The following DLG2 variants were observed in gnomAD, a reference collection of about 807,000 sequenced individuals.
DLG2 encodes disks large homolog 2.
DLG2 carries 45 observed loss-of-function variants against 132.5 expected under a neutral mutation model. The ratio of observed to expected loss-of-function variants is 0.34; its 90% CI spans 0.27 to 0.44. The LOEUF is 0.44. DLG2 is among the 20% of genes least tolerant of loss of function. DLG2 has a pLI of 1.00. For synonymous variants in DLG2, 424 were observed against 419.6 expected, an observed-to-expected ratio of 1.01 and a Z score of -0.13; for missense variants, 1,045 against 1,196.9, an observed-to-expected ratio of 0.87 and a Z score of 1.87.
At chr11:83,467,752 A>G (rs1216489560) in intron 25 of DLG2, among the ~76,000 whole-genome samples, 1 of 128,710 alleles carries the variant, frequency 7.8e-6, no homozygotes, top group African/African-American at 2.9e-5. Context: ...TGCCATCTCA[A>G]AAAAAATAAA....
chr11:85,429,378 A>T (rs551490378), intron 3 of DLG2, among the ~76,000 whole-genome samples: 1 of 152,212 alleles, frequency 6.6e-6, no homozygotes, highest in Non-Finnish European at 1.5e-5. Flanking sequence ...ATTAAACTAA[A>T]GAGCTTCTGC....
At chr11:84,405,100 A>T (rs1364018521) in intron 7 of DLG2, among the ~76,000 whole-genome samples, 1 of 152,228 alleles carries the variant, frequency 6.6e-6, no homozygotes, top group African/African-American at 2.4e-5. Flanking sequence ...ATAAATAGGG[A>T]CAGGCAAAGG....
intron 6 of DLG2, among the ~76,000 whole-genome samples, chr11:84,872,183 G>A (rs1163276471): frequency 1.3e-5 from 2 of 152,076 alleles, no homozygotes; most frequent in Non-Finnish European, 2.9e-5. Context: ...CATTAGTAAG[G>A]GCATGTGTTC....
intron 18 of DLG2, among the ~76,000 whole-genome samples, chr11:83,707,874 G>T (rs1592827582): frequency 6.6e-6 from 1 of 152,138 alleles, no homozygotes; most frequent in Admixed American, 6.5e-5. Context: ...TTTCCAGAAG[G>T]CAGAATGCAT....
At position 84,888,787 on chromosome 11, in the gene DLG2, G is replaced by A. The variant is rs533815004; in HGVS notation, c.357+222874C>T. ...ATTCTTTCCAGAGATGTCAACCCAT[G>A]TTGGCTGGTTCTGCTATCATCTAAA... On this transcript the variant is annotated intron_variant, in intron 6 of 27. Coordinates refer to ENST00000376104, the MANE Select transcript of DLG2 (RefSeq NM_001142699.3). Among the ~76,000 whole-genome samples the A allele has an allele frequency of 2.6e-5, 4 of 152,146 alleles. No homozygotes were observed. In the East Asian group the frequency reaches 7.8e-4, roughly 29 times the overall value.
rs148532654 is a variant in DLG2, at chr11:85,589,173, G to A, written c.40+9484C>T. Among the ~76,000 whole-genome samples, 904 of 152,312 alleles carry A rather than the reference G, an allele frequency of 5.9e-3. 9 individuals are homozygous for A. Among genetic ancestry groups the A allele is most frequent in the African/African-American group, 0.02 (814 of 41,574 alleles). ...GTTATGCTAGCAGTGACACTGTCAC[G>A]TGGACAGATTTAGGACCACTGGTTA... On this transcript the variant is annotated intron_variant, in intron 3 of 27. Coordinates refer to ENST00000376104, the MANE Select transcript of DLG2 (RefSeq NM_001142699.3).
At chr11:84,655,015 T>G (rs546504109) in intron 6 of DLG2, among the ~76,000 whole-genome samples, 1 of 152,342 alleles carries the variant, frequency 6.6e-6, no homozygotes, top group South Asian at 2.1e-4. Context: ...TCTAAATGTT[T>G]TATAGCATTT....
intron 6 of DLG2, among the ~76,000 whole-genome samples, chr11:84,770,304 C>A (rs1319559875): frequency 6.6e-6 from 1 of 152,054 alleles, no homozygotes; most frequent in African/African-American, 2.4e-5. Flanking sequence ...ATTAAAAATC[C>A]TTCTTTTAAA....
chr11:85,224,498 C>G (rs1000205523), intron 4 of DLG2, among the ~76,000 whole-genome samples: 1 of 152,134 alleles, frequency 6.6e-6, no homozygotes, highest in African/African-American at 2.4e-5. Context: ...AGATAAAACA[C>G]TGTTACTGTC....
intron 3 of DLG2, among the ~76,000 whole-genome samples, chr11:85,470,384 G>A (rs914635882): frequency 1.3e-5 from 2 of 152,208 alleles, no homozygotes; most frequent in East Asian, 3.9e-4. Flanking sequence ...GTTGGGGTAG[G>A]GGTGAGAAGG....
intron 2 of DLG2, 28 bp downstream of exon 2, chr11:85,626,559 A>G (rs779779634): frequency 5.9e-5 from 9 of 152,190 alleles, no homozygotes; most frequent in Non-Finnish European, 1.3e-4. Flanking sequence ...ACCAGAACCA[A>G]CAAAAGGGAG....
At chr11:85,015,261 GGTTAA>G (rs2059478162) in intron 6 of DLG2, among the ~76,000 whole-genome samples, 1 of 151,876 alleles carries the variant, frequency 6.6e-6, no homozygotes, top group Admixed American at 6.6e-5. Flanking sequence ...CTATGTTTTA[GGTTAA>G]GTTTATACTT....
chr11:83,890,294 T>A (rs929821717), intron 15 of DLG2, among the ~76,000 whole-genome samples: 2 of 152,156 alleles, frequency 1.3e-5, no homozygotes, highest in African/African-American at 4.8e-5. Flanking sequence ...CACACTCTGA[T>A]TTTTATTCTT....
chr11:84,197,036 C>CAAAAAAAA (rs60877284), intron 8 of DLG2, among the ~76,000 whole-genome samples: 92 of 87,866 alleles, frequency 1.0e-3, no homozygotes, highest in East Asian at 1.4e-3. Context: ...GACTCTTTCT[C>CAAAAAAAA]AAAAAAAAAA....
intron 2 of DLG2, among the ~76,000 whole-genome samples, chr11:85,612,848 T>C (rs771715249): frequency 1.6e-4 from 24 of 152,142 alleles, no homozygotes; most frequent in Non-Finnish European, 2.8e-4. Flanking sequence ...CTCACAGGAA[T>C]TCTCAGACAG....
At chr11:83,788,838 T>C (rs916967057) in intron 17 of DLG2, among the ~76,000 whole-genome samples, 6 of 152,260 alleles carry the variant, frequency 3.9e-5, no homozygotes, top group Non-Finnish European at 5.9e-5. Context: ...ACCACTTTTA[T>C]GGATACTTTT....
At chr11:85,019,920 G>A (rs186411739) in intron 6 of DLG2, among the ~76,000 whole-genome samples, 1 of 152,140 alleles carries the variant, frequency 6.6e-6, no homozygotes, top group East Asian at 1.9e-4. Context: ...TAGTGCCGCA[G>A]TAAACATACG....
At chr11:84,210,113 T>A (rs1437111594) in intron 8 of DLG2, among the ~76,000 whole-genome samples, 1 of 151,608 alleles carries the variant, frequency 6.6e-6, no homozygotes, top group Non-Finnish European at 1.5e-5. Flanking sequence ...TGAAACCCTA[T>A]CTCTACTAAA....
At chr11:85,467,369 G>A (rs1457288457) in intron 3 of DLG2, among the ~76,000 whole-genome samples, 1 of 152,056 alleles carries the variant, frequency 6.6e-6, no homozygotes, top group Non-Finnish European at 1.5e-5. Flanking sequence ...GGTGAGAGAG[G>A]GCATCCCTGT....
Sources: gnomAD v4.1 joint callset for allele counts (sites outside exome capture counted in the v4.1 genomes callset) on GRCh38, gnomAD v4.1.1 for gene constraint, MANE v1.5 for transcripts, NCBI Gene and HGNC (gene_info 2026-07-23, HGNC 2026-07-21) for gene names.